The following PRICKLE2 variants were observed in gnomAD, a reference collection of about 807,000 sequenced individuals.
The protein encoded by PRICKLE2 is prickle planar cell polarity protein 2, also known as prickle-like protein 2.
In PRICKLE2, 21 loss-of-function variants were observed where a neutral mutation model predicts 81.4. That is an observed-to-expected ratio of 0.26 (90% CI 0.18 to 0.37). The LOEUF is 0.37. PRICKLE2 is among the 10% of genes least tolerant of loss of function. The probability of loss-of-function intolerance (pLI) is 1.00; values close to 1 mark genes in which losing one functional copy is unlikely to be tolerated. For missense variants in PRICKLE2, 940 were observed against 1,109.0 expected (o/e 0.85, Z 2.16); for synonymous variants, 456 against 421.5 (o/e 1.08, Z -1.00).
chr3:64,184,759 A>C (rs533526199), intron 2 of PRICKLE2, among the ~76,000 whole-genome samples: 1 of 152,322 alleles, frequency 6.6e-6, no homozygotes, highest in African/African-American at 2.4e-5. Flanking sequence ...CTTGGATTAC[A>C]GGTATGAGTC....
At chr3:64,212,191 C>T (rs1413893050) in intron 1 of PRICKLE2, among the ~76,000 whole-genome samples, 1 of 152,158 alleles carries the variant, frequency 6.6e-6, no homozygotes, top group Non-Finnish European at 1.5e-5. Flanking sequence ...AGAAAAGCTC[C>T]GATTTCCTCA....
chr3:64,220,323 T>A (rs1392625283), intron 1 of PRICKLE2, among the ~76,000 whole-genome samples: 1 of 152,166 alleles, frequency 6.6e-6, no homozygotes, highest in Non-Finnish European at 1.5e-5. Flanking sequence ...TTACAAGGTT[T>A]GATTTTAAGG....
intron 7 of PRICKLE2, among the ~76,000 whole-genome samples, chr3:64,140,721 T>G (rs191875132): frequency 6.6e-6 from 1 of 152,282 alleles, no homozygotes; most frequent in African/African-American, 2.4e-5. Flanking sequence ...CTGGACCATC[T>G]CTGCTTGTCT....
chr3:64,104,766 G>A (rs1319640854), intron 7 of PRICKLE2: 1 of 152,238 alleles, frequency 6.6e-6, no homozygotes, highest in African/African-American at 2.4e-5. Flanking sequence ...CTATGTGTGG[G>A]TGGGACTGGA....
intron 7 of PRICKLE2, among the ~76,000 whole-genome samples, chr3:64,126,976 C>T (rs761494497): frequency 6.6e-6 from 1 of 152,164 alleles, no homozygotes; most frequent in Non-Finnish European, 1.5e-5. Flanking sequence ...ACTCATTTGT[C>T]AGGTTTATCA....
chr3:64,109,453 G>A (rs2076808682), intron 7 of PRICKLE2, among the ~76,000 whole-genome samples: 1 of 152,164 alleles, frequency 6.6e-6, no homozygotes, highest in African/African-American at 2.4e-5. Flanking sequence ...CAGATCACAA[G>A]TTGGCTTGCA....
chr3:64,257,958 A>G (rs1202219771), intron 2 of PRICKLE2, among the ~76,000 whole-genome samples: 2 of 152,172 alleles, frequency 1.3e-5, no homozygotes, highest in Non-Finnish European at 2.9e-5. Context: ...CCACTGTGTG[A>G]AGACACAGCA....
intron 1 of PRICKLE2, among the ~76,000 whole-genome samples, chr3:64,213,369 G>A (rs763452956): frequency 2.0e-5 from 3 of 152,168 alleles, no homozygotes; most frequent in South Asian, 2.1e-4. Flanking sequence ...GTGAGCCACC[G>A]TGCCCGGCCA....
At chr3:64,180,028 G>C (rs2078100296) in intron 2 of PRICKLE2, among the ~76,000 whole-genome samples, 1 of 152,324 alleles carries the variant, frequency 6.6e-6, no homozygotes, top group East Asian at 1.9e-4. Flanking sequence ...ACAGGCCAGA[G>C]TGGCTGCTTA....
At position 64,202,645 on chromosome 3, in the gene PRICKLE2, C is replaced by CGTGTGTGTGTGTGT. The variant is rs71099794; in HGVS notation, c.-40-3692_-40-3679dup. On this transcript the variant is annotated intron_variant, in intron 1 of 7. Coordinates refer to ENST00000638394, the MANE Select transcript of PRICKLE2 (RefSeq NM_198859.4). ...TTGTATTAGTTTAGGTACTTGTGTGCGTGTGTGTGTGTGTGTGTGTGTGTG... is the reference window on the plus strand; with the variant it reads ...TTGTATTAGTTTAGGTACTTGTGTGCGTGTGTGTGTGTGTGTGTGTGTGTGTGTGTGTGTGTGTG... Among the ~76,000 whole-genome samples, 477 of 149,434 alleles carry CGTGTGTGTGTGTGT rather than the reference C, an allele frequency of 3.2e-3. 4 individuals are homozygous for CGTGTGTGTGTGTGT. Among genetic ancestry groups the CGTGTGTGTGTGTGT allele is most frequent in the East Asian group, 0.013 (68 of 5,056 alleles).
At chr3:64,172,095 C>T (rs1385287242) in intron 2 of PRICKLE2, among the ~76,000 whole-genome samples, 4 of 152,116 alleles carry the variant, frequency 2.6e-5, no homozygotes, top group Non-Finnish European at 5.9e-5. Flanking sequence ...TATTAAACTT[C>T]AATGTTTTGT....
chr3:64,126,731 C>G (rs566924406), intron 7 of PRICKLE2, among the ~76,000 whole-genome samples: 1 of 152,166 alleles, frequency 6.6e-6, no homozygotes, highest in Non-Finnish European at 1.5e-5. Context: ...GTGCACACCA[C>G]TGCACCTGGC....
chr3:64,221,420 TACACACACACACAC>T (rs71808412), intron 1 of PRICKLE2, among the ~76,000 whole-genome samples: 38 of 143,830 alleles, frequency 2.6e-4, no homozygotes, highest in African/African-American at 3.9e-4. Context: ...GCTTGATTCA[TACACACACACACAC>T]ACACACACAC....
chr3:64,136,667 G>A (rs9814068), intron 7 of PRICKLE2, among the ~76,000 whole-genome samples: 2 of 151,976 alleles, frequency 1.3e-5, no homozygotes, highest in East Asian at 1.9e-4. Context: ...GGTGATGGTC[G>A]GTGCAGAATC....
At chr3:64,162,965 T>G in intron 3 of PRICKLE2, 51 bp downstream of exon 3, 2 of 1,106,872 alleles carry the variant, frequency 1.8e-6, no homozygotes, top group Non-Finnish European at 2.8e-6. Context: ...AAGGTAACAA[T>G]TCATAGAAGG....
At chr3:64,244,010 A>G (rs1330414735) in intron 2 of PRICKLE2, among the ~76,000 whole-genome samples, 1 of 152,208 alleles carries the variant, frequency 6.6e-6, no homozygotes, top group Non-Finnish European at 1.5e-5. Context: ...ATGGAATAGG[A>G]AAAGTTGCAT....
At chr3:64,181,756 T>C (rs2107081622) in intron 2 of PRICKLE2, among the ~76,000 whole-genome samples, 1 of 152,348 alleles carries the variant, frequency 6.6e-6, no homozygotes, top group Non-Finnish European at 1.5e-5. Flanking sequence ...TTAAAATTCT[T>C]AGTATTCATA....
chr3:64,144,657 G>C (rs924427252), intron 7 of PRICKLE2, among the ~76,000 whole-genome samples: 2 of 152,214 alleles, frequency 1.3e-5, no homozygotes, highest in African/African-American at 2.4e-5. Context: ...GCACATCTTA[G>C]AGCGCTACTC....
rs9311884 is a variant in PRICKLE2 at position 64,135,694 on chromosome 3, TCA to T, written c.1660+11134_1660+11135del. The stretch of plus-strand genomic sequence containing the variant: ...GAACAGGACGAGGAACGATCACAGA[TCA>T]CACACACACACACACACACACACAC... On this transcript the variant is annotated intron_variant, in intron 7 of 7. Coordinates refer to ENST00000638394, the MANE Select transcript of PRICKLE2 (RefSeq NM_198859.4). 5.7e-3 allele frequency among the ~76,000 whole-genome samples: 855 copies of T among 149,728 alleles called. 5 individuals carry two copies. The highest frequency in any genetic ancestry group is 0.015 in the East Asian group (76 of 4,984).
Sources: gnomAD v4.1 joint callset for allele counts (sites outside exome capture counted in the v4.1 genomes callset) on GRCh38, gnomAD v4.1.1 for gene constraint, MANE v1.5 for transcripts, NCBI Gene and HGNC (gene_info 2026-07-23, HGNC 2026-07-21) for gene names.